Variants in STON2 observed in about 807,000 individuals in gnomAD.
STON2 encodes the protein stonin-2.
Under a neutral mutation model 65.7 loss-of-function variants are expected in STON2, and 29 were observed. The observed-to-expected ratio is 0.44, with a 90% confidence interval of 0.33 to 0.60. The LOEUF is 0.60. Ranked by LOEUF, STON2 falls within the 20% of genes least tolerant of loss-of-function variation. The pLI, the probability that STON2 is intolerant of heterozygous loss-of-function variation, is 0.03. For synonymous variants in STON2, 404 were observed against 414.2 expected (o/e 0.98, Z 0.30); for missense variants, 1,054 against 1,118.1 (o/e 0.94, Z 0.82).
At chr14:81,370,822 A>G (rs545194372) in intron 4 of STON2, among the ~76,000 whole-genome samples, 166 bp downstream of exon 4, 11 of 152,350 alleles carry the variant, frequency 7.2e-5, no homozygotes, top group East Asian at 1.9e-4. Flanking sequence ...ATCTTCCCCA[A>G]TGCAATTTCC....
chr14:81,390,304 A>T (rs2140421957), intron 3 of STON2, among the ~76,000 whole-genome samples: 1 of 152,324 alleles, frequency 6.6e-6, no homozygotes, highest in East Asian at 1.9e-4. Flanking sequence ...TTGCTACTAG[A>T]GGATCCAGGA....
At chr14:81,270,965 T>G (rs1894562167) in intron 6 of STON2, 93 bp from the exon 7 acceptor site, 13 of 1,482,980 alleles carry the variant, frequency 8.8e-6, no homozygotes, top group Non-Finnish European at 1.2e-5. Context: ...AGGAGGCCTG[T>G]GGGCTCGGCA....
In STON2 at chr14:81,264,548, T is replaced by C. The variant is rs548411909; in HGVS notation, c.*3866A>G. On this transcript the variant is annotated 3_prime_UTR_variant, in exon 8 of 8. Transcript: ENST00000614646. ...GGTGTTGGAAACACAAAAAATTATATATAGTCCTTGCCTTCATGGATCCCA... is the reference window on the plus strand; with the variant it reads ...GGTGTTGGAAACACAAAAAATTATACATAGTCCTTGCCTTCATGGATCCCA... 4.3e-4 allele frequency: 425 copies of C among 984,238 alleles called. No homozygotes were observed. Among genetic ancestry groups the C allele is most frequent in the Non-Finnish European group, 4.9e-4 (408 of 828,952 alleles). 61.0% of individuals were successfully genotyped at this position (984,238 alleles called of 1,614,324 possible). A position where few individuals can be genotyped will look rare whatever the true frequency, so the allele number is the denominator to read the frequency against.
At chr14:81,383,223 C>T (rs115947681) in intron 3 of STON2, among the ~76,000 whole-genome samples, 1,958 of 152,340 alleles carry the variant, frequency 0.013, 53 homozygotes, top group African/African-American at 0.044. Context: ...CATACCAAAT[C>T]CAGCCCTGTA....
At chr14:81,289,707 C>T (rs1489077957) in intron 5 of STON2, among the ~76,000 whole-genome samples, 1 of 152,182 alleles carries the variant, frequency 6.6e-6, no homozygotes, top group Non-Finnish European at 1.5e-5. Flanking sequence ...TGTGCCTGCA[C>T]TGAATAAAAA....
chr14:81,323,807 G>A (rs951005168), intron 5 of STON2: 2 of 152,062 alleles, frequency 1.3e-5, no homozygotes, highest in African/African-American at 2.4e-5. Context: ...AGCATGTTAA[G>A]TTTTCTTCCC....
intron 4 of STON2, among the ~76,000 whole-genome samples, chr14:81,356,793 C>T (rs1370188264): frequency 4.6e-5 from 7 of 151,898 alleles, no homozygotes; most frequent in South Asian, 2.1e-4. Context: ...AGTTTATTTG[C>T]GTAGAGGTGT....
intron 2 of STON2, chr14:81,412,875 C>A: frequency 1.8e-6 from 1 of 545,476 alleles, no homozygotes; most frequent in Non-Finnish European, 3.1e-6. Flanking sequence ...AGAGGCGCCA[C>A]GGCTTCCATA....
rs1305708037 is a variant in STON2, at chr14:81,263,967, C to A, written c.*4447G>T. 1.2e-5 allele frequency: 12 copies of A among 985,224 alleles called. No homozygotes were observed. The highest frequency in any genetic ancestry group is 1.4e-5 in the Non-Finnish European group (12 of 829,922). 61.0% of individuals were successfully genotyped at this position (985,224 alleles called of 1,614,324 possible). ...TCAGACCTCCATCTTACTGTGGTGA[C>A]AAAATAAATGCAAAGTAACGGTCAG... On this transcript the variant is annotated 3_prime_UTR_variant, in exon 8 of 8. Coordinates refer to ENST00000614646, the MANE Select transcript of STON2 (RefSeq NM_001394390.1).
chr14:81,307,045 T>C (rs908537119), intron 5 of STON2, among the ~76,000 whole-genome samples: 3 of 152,210 alleles, frequency 2.0e-5, no homozygotes, highest in Non-Finnish European at 4.4e-5. Flanking sequence ...TGCACACCTA[T>C]AGAAACTCTG....
intron 5 of STON2, among the ~76,000 whole-genome samples, chr14:81,323,223 T>G (rs1896883397): frequency 1.3e-5 from 2 of 152,182 alleles, no homozygotes; most frequent in South Asian, 4.1e-4. Flanking sequence ...ACAAGCCTGT[T>G]AACAATGCAG....
rs2140076662 is a variant in STON2 at position 81,262,579 on chromosome 14, T to C, written c.*5835A>G. ...TTTCATATTGAAATTCTTTTTTTAG[T>C]CTATTCTCTTGTAGCTTTTGTTACA... On this transcript the variant is annotated 3_prime_UTR_variant, in exon 8 of 8. Coordinates refer to ENST00000614646, the MANE Select transcript of STON2 (RefSeq NM_001394390.1). 1 of 985,448 alleles carries C rather than the reference T, an allele frequency of 1.0e-6. No homozygotes were observed. Among genetic ancestry groups the C allele is most frequent in the Non-Finnish European group, 1.2e-6 (1 of 829,912 alleles). 61.0% of individuals were successfully genotyped at this position (985,448 alleles called of 1,614,324 possible). A position where few individuals can be genotyped will look rare whatever the true frequency, so the allele number is the denominator to read the frequency against.
Position 81,371,201 on chromosome 14 carries a change from A to G in STON2, c.374-16T>C. On this transcript the variant is annotated splice_polypyrimidine_tract_variant and intron_variant, in intron 3 of 7. Coordinates refer to ENST00000614646, the MANE Select transcript of STON2 (RefSeq NM_001394390.1). ...AATGGTAGGGCTGGGGAGAGACCAA[A>G]AACCAAAAGCATACAATATAAATAG... The G allele has an allele frequency of 6.2e-7, 1 of 1,610,974 alleles. No homozygotes were observed. Among genetic ancestry groups the G allele is most frequent in the South Asian group, 1.1e-5 (1 of 90,834 alleles).
At chr14:81,405,480 T>TGACTATGGTTTTTATTTTCCTA (rs1900809330) in intron 2 of STON2, among the ~76,000 whole-genome samples, 1 of 142,990 alleles carries the variant, frequency 7.0e-6, no homozygotes, top group Non-Finnish European at 1.5e-5. Flanking sequence ...TTTTTTTGCT[T>TGACTATGGTTTTTATTTTCCTA]GACTATGGTT....
chr14:81,370,848 T>C (rs1245052607), intron 4 of STON2, 140 bp downstream of exon 4: 2 of 750,976 alleles, frequency 2.7e-6, no homozygotes, highest in Non-Finnish European at 4.3e-6. Context: ...CTTTGGGTTC[T>C]AGCTTTTTGA....
At chr14:81,311,966 C>T (rs1896442955) in intron 5 of STON2, among the ~76,000 whole-genome samples, 1 of 152,186 alleles carries the variant, frequency 6.6e-6, no homozygotes, top group South Asian at 2.1e-4. Flanking sequence ...TGATCTTTAG[C>T]CAACACGGCA....
chr14:81,333,973 C>G (rs945019904), intron 4 of STON2, among the ~76,000 whole-genome samples: 1 of 152,186 alleles, frequency 6.6e-6, no homozygotes, highest in African/African-American at 2.4e-5. Context: ...TAAATACATA[C>G]CTTTACCAAG....
At chr14:81,429,516 T>C (rs373360563) in intron 1 of STON2, among the ~76,000 whole-genome samples, 1 of 152,226 alleles carries the variant, frequency 6.6e-6, no homozygotes, top group East Asian at 1.9e-4. Context: ...GTTATTCACC[T>C]ACTAATAAAT....
At chr14:81,403,455 T>C (rs1900698674), upstream of STON2, among the ~76,000 whole-genome samples, 1 of 152,210 alleles carries the variant, frequency 6.6e-6, no homozygotes, top group Non-Finnish European at 1.5e-5. Flanking sequence ...TTTACATCCC[T>C]CCTGGCAATT....
Sources: gnomAD v4.1 joint callset for allele counts (sites outside exome capture counted in the v4.1 genomes callset) on GRCh38, gnomAD v4.1.1 for gene constraint, MANE v1.5 for transcripts, NCBI Gene and HGNC (gene_info 2026-07-23, HGNC 2026-07-21) for gene names.